Variants in MAML3 observed in about 807,000 individuals in gnomAD.
MAML3 encodes the protein mastermind-like protein 3.
A neutral mutation model predicts 101.9 loss-of-function variants in MAML3; 27 were observed. That is an observed-to-expected ratio of 0.27 (90% CI 0.20 to 0.37). MAML3 has a LOEUF of 0.37. MAML3 is among the 10% of genes least tolerant of loss of function. MAML3 has a pLI of 1.00. For missense variants in MAML3, 1,316 were observed against 1,444.9 expected, an observed-to-expected ratio of 0.91 and a Z score of 1.45; for synonymous variants, 501 against 555.9, an observed-to-expected ratio of 0.90 and a Z score of 1.39.
At chr4:139,866,953 A>G (rs913994075) in intron 2 of MAML3, among the ~76,000 whole-genome samples, 6 of 152,314 alleles carry the variant, frequency 3.9e-5, no homozygotes, top group Admixed American at 2.0e-4. Context: ...CCACATGTTA[A>G]GCTTCTTTTG....
intron 2 of MAML3, among the ~76,000 whole-genome samples, chr4:139,753,176 A>T (rs1184995862): frequency 2.0e-5 from 3 of 152,108 alleles, no homozygotes; most frequent in African/African-American, 7.2e-5. Context: ...CATAACATAA[A>T]ATTTATCATT....
chr4:139,791,748 CCA>C (rs1344244952), intron 2 of MAML3, among the ~76,000 whole-genome samples: 2 of 152,186 alleles, frequency 1.3e-5, no homozygotes, highest in Middle Eastern at 3.2e-3. Flanking sequence ...TATTCTAAAA[CCA>C]GTATTATTCC....
chr4:140,021,741 C>T (rs1726737173), intron 1 of MAML3, among the ~76,000 whole-genome samples: 1 of 152,110 alleles, frequency 6.6e-6, no homozygotes, highest in South Asian at 2.1e-4. Context: ...ATCCACTCAC[C>T]AACCTCCCTT....
intron 1 of MAML3, among the ~76,000 whole-genome samples, chr4:140,067,688 A>G (rs1727563974): frequency 6.6e-6 from 1 of 151,954 alleles, no homozygotes. Flanking sequence ...AACATTTAAA[A>G]TGTATATTTC....
chr4:140,008,296 C>T (rs1461452351), intron 1 of MAML3, among the ~76,000 whole-genome samples: 3 of 152,070 alleles, frequency 2.0e-5, no homozygotes, highest in Non-Finnish European at 4.4e-5. Flanking sequence ...GCAGTGGGCC[C>T]AGATCGCGCC....
chr4:139,785,641 T>A lies in MAML3; in HGVS notation c.2080-54974A>T, dbSNP rs1262643762. Among the ~76,000 whole-genome samples, 1 of 152,136 alleles carries A rather than the reference T, an allele frequency of 6.6e-6. No individual in the cohort carries two copies. Among genetic ancestry groups the A allele is most frequent in the Non-Finnish European group, 1.5e-5 (1 of 68,034 alleles). ...GCGCCTGGGGCACTGCATGGAGAGA[T>A]CTGTCCCTTCATTCACATATCTCTG... On this transcript the variant is annotated intron_variant, in intron 2 of 4. Coordinates refer to ENST00000509479, the MANE Select transcript of MAML3 (RefSeq NM_018717.5). The surrounding 1 kb of genome is among the most constrained non-coding windows in gnomAD (Gnocchi z 4.3).
chr4:139,889,588 C>T lies in MAML3; in HGVS notation c.1848G>A (p.Met616Ile), dbSNP rs576392782. Residue 616 changes from methionine (M) to isoleucine (I), a missense_variant, in exon 2 of 5, where the codon ATG becomes ATA. By Grantham distance (10) the Met-to-Ile change is conservative. Coordinates refer to ENST00000509479, the MANE Select transcript of MAML3 (RefSeq NM_018717.5). ...THFNADLSQR[M>I]TPPVANPNKN... ...TGTTGGGGTTGGCCACTGGTGGTGT[C>T]ATCCTCTGACTCAGGTCTGCATTGA... 8 of 1,613,826 alleles carry T rather than the reference C, an allele frequency of 5.0e-6. No homozygotes were observed. The highest frequency in any genetic ancestry group is 1.1e-5 in the South Asian group (1 of 91,068).
intron 1 of MAML3, among the ~76,000 whole-genome samples, chr4:140,034,211 A>C (rs1396517324): frequency 1.3e-5 from 2 of 152,244 alleles, no homozygotes; most frequent in Non-Finnish European, 2.9e-5. Flanking sequence ...TAGCTTACAA[A>C]GTAGCCTATG....
At chr4:140,092,120 G>GTATATATATATATACGTATA (rs59773240) in intron 1 of MAML3, among the ~76,000 whole-genome samples, 2 of 134,156 alleles carry the variant, frequency 1.5e-5, no homozygotes, top group South Asian at 2.4e-4. Context: ...ATATATATAC[G>GTATATATATATATACGTATA]TATATATATA....
At chr4:139,767,413 T>C (rs767124566) in intron 2 of MAML3, among the ~76,000 whole-genome samples, 3 of 152,244 alleles carry the variant, frequency 2.0e-5, no homozygotes, top group Non-Finnish European at 4.4e-5. Context: ...AGTTCTGGTC[T>C]TACCACATCT....
chr4:139,887,272 T>G (rs551221685), intron 2 of MAML3, among the ~76,000 whole-genome samples: 1 of 152,330 alleles, frequency 6.6e-6, no homozygotes, highest in African/African-American at 2.4e-5. Flanking sequence ...TTTCAAACAG[T>G]GGTGAGTTAA....
chr4:139,742,330 G>T (rs6536414), intron 2 of MAML3, among the ~76,000 whole-genome samples: 41,294 of 151,876 alleles, frequency 0.27, 5,847 homozygotes, highest in Admixed American at 0.33. Context: ...TGTATTTTTA[G>T]TAGAGGCAGG....
chr4:139,869,428 G>A (rs1248287195), intron 2 of MAML3, among the ~76,000 whole-genome samples: 2 of 152,192 alleles, frequency 1.3e-5, no homozygotes, highest in East Asian at 3.8e-4. Context: ...GGAGGCTGAA[G>A]TAACTTTAGG....
chr4:139,826,750 G>A (rs182618005), intron 2 of MAML3, among the ~76,000 whole-genome samples: 49 of 152,246 alleles, frequency 3.2e-4, no homozygotes, highest in African/African-American at 1.1e-3. Context: ...ATGCTCTTTT[G>A]TGTTAGCAAA....
intron 2 of MAML3, among the ~76,000 whole-genome samples, chr4:139,867,304 T>C (rs1731915213): frequency 6.6e-6 from 1 of 152,236 alleles, no homozygotes; most frequent in African/African-American, 2.4e-5. Context: ...GTGATATTGC[T>C]GTAGCTTTCA....
At chr4:140,144,165 T>TA (rs1344088944) in intron 1 of MAML3, among the ~76,000 whole-genome samples, 1 of 152,148 alleles carries the variant, frequency 6.6e-6, no homozygotes, top group Non-Finnish European at 1.5e-5. Flanking sequence ...TAGACACCTG[T>TA]AGCAGCCCTC....
At chr4:139,963,191 GGAGGATA>G (rs1041753314) in intron 1 of MAML3, among the ~76,000 whole-genome samples, 3 of 152,178 alleles carry the variant, frequency 2.0e-5, no homozygotes, top group African/African-American at 7.2e-5. Context: ...GGCTAAGGCA[GGAGGATA>G]GCCTGAGGCC....
intron 1 of MAML3, among the ~76,000 whole-genome samples, chr4:140,139,001 G>A (rs1029619983): frequency 6.6e-6 from 1 of 152,226 alleles, no homozygotes; most frequent in African/African-American, 2.4e-5. Context: ...GCCAGGCAGA[G>A]TGGCTCATGC....
At chr4:140,013,277 T>G (rs376989426) in intron 1 of MAML3, among the ~76,000 whole-genome samples, 1 of 152,222 alleles carries the variant, frequency 6.6e-6, no homozygotes, top group Non-Finnish European at 1.5e-5. Context: ...CTACAGTCCA[T>G]GAACACAGCC....
Sources: gnomAD v4.1 joint callset for allele counts (sites outside exome capture counted in the v4.1 genomes callset) on GRCh38, gnomAD v4.1.1 for gene constraint, Gnocchi (gnomAD v3.1) non-coding constraint, MANE v1.5 for transcripts, NCBI Gene and HGNC (gene_info 2026-07-23, HGNC 2026-07-21) for gene names.